The following GRIN2A variants were observed in gnomAD, a reference collection of about 807,000 sequenced individuals.
GRIN2A encodes glutamate receptor ionotropic, NMDA 2A.
In GRIN2A, 22 loss-of-function variants were observed where a neutral mutation model predicts 113.4. The observed-to-expected ratio is 0.19, with a 90% CI of 0.14 to 0.28. The LOEUF is 0.28. Among genes scored for constraint, GRIN2A ranks in the 10% least tolerant of loss-of-function variants. GRIN2A has a pLI of 1.00. For missense variants in GRIN2A, 1,502 were observed against 1,887.0 expected (o/e 0.80, Z 3.78); for synonymous variants, 827 against 738.4 (o/e 1.12, Z -1.94).
intron 2 of GRIN2A, among the ~76,000 whole-genome samples, chr16:10,076,297 T>C (rs946715542): frequency 6.6e-6 from 1 of 152,130 alleles, no homozygotes; most frequent in African/African-American, 2.4e-5. Context: ...CAGGATCCAG[T>C]GGGCCTTGAC....
At chr16:9,880,463 C>T (rs2043455945) in intron 4 of GRIN2A, among the ~76,000 whole-genome samples, 1 of 152,168 alleles carries the variant, frequency 6.6e-6, no homozygotes, top group Non-Finnish European at 1.5e-5. Context: ...TTAAAGGGGT[C>T]ATGTGATTGG....
chr16:9,961,095 G>C (rs1334102409), intron 2 of GRIN2A, among the ~76,000 whole-genome samples: 2 of 152,144 alleles, frequency 1.3e-5, no homozygotes, highest in African/African-American at 4.8e-5. Flanking sequence ...TATGACTTTA[G>C]CACCCAAAAG....
intron 5 of GRIN2A, among the ~76,000 whole-genome samples, chr16:9,844,691 G>A (rs753403259): frequency 2.0e-5 from 3 of 152,204 alleles, no homozygotes; most frequent in Admixed American, 6.5e-5. Context: ...CAGGTCCTGG[G>A]TTGGCTCCTG....
intron 3 of GRIN2A, among the ~76,000 whole-genome samples, chr16:9,911,528 A>G (rs2044137797): frequency 6.6e-6 from 1 of 152,206 alleles, no homozygotes; most frequent in Non-Finnish European, 1.5e-5. Context: ...CAGCCATGCC[A>G]TAGGTTTGTC....
intron 2 of GRIN2A, among the ~76,000 whole-genome samples, chr16:10,043,610 A>T (rs1046793926): frequency 6.6e-6 from 1 of 152,128 alleles, no homozygotes; most frequent in African/African-American, 2.4e-5. Context: ...AGCTTCTGCA[A>T]CCATTCTAGC....
intron 3 of GRIN2A, among the ~76,000 whole-genome samples, chr16:9,894,464 T>C (rs1246483116): frequency 6.6e-6 from 1 of 152,146 alleles, no homozygotes; most frequent in Non-Finnish European, 1.5e-5. Context: ...CTTTTTTTTC[T>C]CTCTTCCTTC....
Position 9,974,728 on chromosome 16 carries a change from T to C in GRIN2A, c.415-36177A>G, listed in dbSNP as rs541649341. Among the ~76,000 whole-genome samples, 10 of 152,322 alleles carry C rather than the reference T, an allele frequency of 6.6e-5. No homozygotes were observed. The South Asian group carries it at 2.1e-3, about 32-fold the overall frequency. Reference sequence around the variant, plus strand: ...AATGCAATACCAACCCTAAGTAGCCTGTGAAAAGCTAAAGATGTTTCATGT... The same window carrying C: ...AATGCAATACCAACCCTAAGTAGCCCGTGAAAAGCTAAAGATGTTTCATGT... On this transcript the variant is annotated intron_variant, in intron 2 of 12. Coordinates refer to ENST00000330684, the MANE Select transcript of GRIN2A (RefSeq NM_001134407.3).
intron 2 of GRIN2A, among the ~76,000 whole-genome samples, chr16:10,044,277 C>T (rs184320752): frequency 1.1e-3 from 166 of 152,060 alleles, no homozygotes; most frequent in Middle Eastern, 0.01. Flanking sequence ...CGTGATCCAC[C>T]CACCTCGGCC....
intron 11 of GRIN2A, among the ~76,000 whole-genome samples, chr16:9,786,876 A>G (rs1050991439): frequency 6.6e-6 from 1 of 152,158 alleles, no homozygotes; most frequent in Non-Finnish European, 1.5e-5. Context: ...TAATATAAGG[A>G]CCAAACTCCG....
At chr16:10,079,579 C>T (rs758514641) in intron 2 of GRIN2A, among the ~76,000 whole-genome samples, 4 of 152,168 alleles carry the variant, frequency 2.6e-5, no homozygotes, top group Non-Finnish European at 5.9e-5. Context: ...ATAAAAGAGG[C>T]TCCAGAGAGA....
intron 2 of GRIN2A, among the ~76,000 whole-genome samples, chr16:10,125,790 G>C (rs1596532321): frequency 6.6e-6 from 1 of 152,040 alleles, no homozygotes. Flanking sequence ...AGAAAATCAG[G>C]CGTCCTACAG....
chr16:10,134,232 T>C (rs923929358), intron 2 of GRIN2A, among the ~76,000 whole-genome samples: 2 of 148,520 alleles, frequency 1.3e-5, no homozygotes, highest in Non-Finnish European at 1.5e-5. Context: ...GAGGAGAGAT[T>C]CAGTTAGGCA....
chr16:10,173,563 G>A (rs984385262), intron 2 of GRIN2A, among the ~76,000 whole-genome samples: 6 of 152,128 alleles, frequency 3.9e-5, no homozygotes, highest in Non-Finnish European at 5.9e-5. Flanking sequence ...ATGTTCATCC[G>A]GAAGCTCCAA....
At chr16:10,157,865 G>A (rs893471421) in intron 2 of GRIN2A, among the ~76,000 whole-genome samples, 1 of 151,762 alleles carries the variant, frequency 6.6e-6, no homozygotes, top group Non-Finnish European at 1.5e-5. Context: ...TTTATTTTTG[G>A]TTTTTTTACT....
At chr16:10,000,643 C>A (rs1247879680) in intron 2 of GRIN2A, among the ~76,000 whole-genome samples, 2 of 152,128 alleles carry the variant, frequency 1.3e-5, no homozygotes, top group Admixed American at 6.5e-5. Flanking sequence ...ACCGGATCTA[C>A]ACTGATTTCA....
At chr16:10,081,981 T>C (rs1226407995) in intron 2 of GRIN2A, among the ~76,000 whole-genome samples, 1 of 152,210 alleles carries the variant, frequency 6.6e-6, no homozygotes, top group Admixed American at 6.5e-5. Flanking sequence ...ATGTGTCAAC[T>C]TATAGAACCC....
chr16:10,061,759 T>C lies in GRIN2A; in HGVS notation c.414+118239A>G, dbSNP rs139317932. Among the ~76,000 whole-genome samples, 31 of 151,782 alleles carry C rather than the reference T, an allele frequency of 2.0e-4. 1 individual carries two copies. The East Asian group carries it at 4.5e-3, about 22-fold the overall frequency. ...ACATGTTGGAAAGTGGCTCAGAGAG[T>C]AGGAATTAAAGAATGCCAGCTCCAG... On this transcript the variant is annotated intron_variant, in intron 2 of 12. Coordinates refer to ENST00000330684, the MANE Select transcript of GRIN2A (RefSeq NM_001134407.3).
intron 2 of GRIN2A, among the ~76,000 whole-genome samples, chr16:10,080,987 G>A (rs1471483497): frequency 1.3e-5 from 2 of 152,160 alleles, no homozygotes; most frequent in East Asian, 1.9e-4. Flanking sequence ...AGAATCCACT[G>A]TTGCTCATAC....
At chr16:10,072,841 G>C (rs534835666) in intron 2 of GRIN2A, among the ~76,000 whole-genome samples, 18 of 152,046 alleles carry the variant, frequency 1.2e-4, no homozygotes, top group Non-Finnish European at 1.6e-4. Flanking sequence ...CTAGAGAATA[G>C]AGAGTAGTCA....
Sources: allele counts gnomAD v4.1 joint callset (sites outside exome capture counted in the v4.1 genomes callset), GRCh38; gene constraint gnomAD v4.1.1; transcripts MANE v1.5; gene names NCBI Gene and HGNC (gene_info 2026-07-23, HGNC 2026-07-21).